MEIOC: variants seen among roughly 807,000 people sequenced by gnomAD.
MEIOC encodes the protein meiosis specific with coiled-coil domain, also known as meiosis-specific coiled-coil domain-containing protein MEIOC.
MEIOC carries 9 observed loss-of-function variants against 85.3 expected under a neutral mutation model. The observed-to-expected ratio is 0.11, with a 90% CI of 0.06 to 0.18. MEIOC has a LOEUF of 0.18. Among genes scored for constraint, MEIOC ranks in the 10% least tolerant of loss-of-function variants. The probability of loss-of-function intolerance (pLI) is 1.00; values close to 1 mark genes in which losing one functional copy is unlikely to be tolerated. For synonymous variants in MEIOC, 365 were observed against 393.7 expected (o/e 0.93, Z 0.86); for missense variants, 898 against 1,129.4 (o/e 0.80, Z 2.94).
downstream of MEIOC, chr17:44,677,046 A>AC (rs1972085495): frequency 2.8e-6 from 2 of 712,222 alleles, no homozygotes; most frequent in African/African-American, 3.9e-5. Flanking sequence ...CCTTCAGGGG[A>AC]CCGTGGATAT....
chr17:44,657,288 A>G (rs1971775936), intron 2 of MEIOC, 27 bp downstream of exon 2: 1 of 1,538,946 alleles, frequency 6.5e-7, no homozygotes, highest in South Asian at 1.2e-5. Context: ...TGCCTCTGTT[A>G]GACGATTTAT....
chr17:44,667,548 T>C lies in MEIOC; in HGVS notation c.1637T>C (p.Phe546Ser), dbSNP rs1220225066. 2 of 1,613,946 alleles carry C rather than the reference T, an allele frequency of 1.2e-6. No individual in the cohort carries two copies. Among genetic ancestry groups the C allele is most frequent in the Non-Finnish European group, 1.7e-6 (2 of 1,179,872 alleles). Residue 546 changes from phenylalanine (F) to serine (S), a missense_variant, in exon 5 of 8, where the codon TTT (phenylalanine) becomes TCT (serine). By Grantham distance (155) the Phe-to-Ser change is radical. Around this residue, in one of 2 missense-constraint regions of MEIOC, gnomAD observed 734 missense variants for 860.1 expected, o/e 0.85. Transcript: ENST00000409122. ...GAAAACCCTTCAGCATTTTCTAGTT[T>C]TGATTTTAGTTACAGTGGTGCAGAA... ...CQENPSAFSS[F>S]DFSYSGAERI...
chr17:44,661,043 G>A (rs898372054), intron 2 of MEIOC, among the ~76,000 whole-genome samples: 35 of 152,172 alleles, frequency 2.3e-4, no homozygotes, highest in African/African-American at 7.2e-4. Flanking sequence ...CAACACTTTG[G>A]AAGGCCCAAG....
Position 44,675,037 on chromosome 17 carries a change from T to G in MEIOC, c.*841T>G. 1 of 985,278 alleles carries G rather than the reference T, an allele frequency of 1.0e-6. No individual in the cohort carries two copies. Among genetic ancestry groups the G allele is most frequent in the South Asian group, 4.7e-5 (1 of 21,290 alleles). 61.0% of individuals were successfully genotyped at this position (985,278 alleles called of 1,614,324 possible). A position where few individuals can be genotyped will look rare whatever the true frequency, so the allele number is the denominator to read the frequency against. On this transcript the variant is annotated 3_prime_UTR_variant, in exon 8 of 8. Coordinates refer to ENST00000409122, the MANE Select transcript of MEIOC (RefSeq NM_001145080.3). Reference sequence around the variant, plus strand: ...GACTACTGTTTTAATACCCTTAGTTTGCTGCCTTTTATGAGGGTGTCACGA... The same window carrying G: ...GACTACTGTTTTAATACCCTTAGTTGGCTGCCTTTTATGAGGGTGTCACGA...
chr17:44,657,634 A>G (rs1367645246), intron 2 of MEIOC, among the ~76,000 whole-genome samples: 1 of 150,266 alleles, frequency 6.7e-6, no homozygotes, highest in Non-Finnish European at 1.5e-5. Context: ...GCTCACCTCA[A>G]CCTCTGCCTC....
At position 44,667,293 on chromosome 17, in the gene MEIOC, T is replaced by C. The variant is rs1375539034; in HGVS notation, c.1382T>C (p.Leu461Ser). 6.2e-7 allele frequency: 1 copy of C among 1,613,620 alleles called. No individual in the cohort carries two copies. Among genetic ancestry groups the C allele is most frequent in the African/African-American group, 1.3e-5 (1 of 74,944 alleles). Residue 461 changes from leucine to serine, a missense_variant, in exon 5 of 8, where the codon TTA (leucine) becomes TCA (serine). Coordinates refer to ENST00000409122, the MANE Select transcript of MEIOC (RefSeq NM_001145080.3). Reference sequence around the variant, plus strand: ...GAGTATTTTAAATCAGTGAATTTATTATCAAACTCAGCAACATCTTCAGGA... The same window carrying C: ...GAGTATTTTAAATCAGTGAATTTATCATCAAACTCAGCAACATCTTCAGGA... Reference protein sequence around the residue: ...HSEYFKSVNLLSNSATSSGGI... With the variant: ...HSEYFKSVNLSSNSATSSGGI...
At chr17:44,662,635 A>C (rs1971856708) in intron 3 of MEIOC, among the ~76,000 whole-genome samples, 164 bp downstream of exon 3, 1 of 152,088 alleles carries the variant, frequency 6.6e-6, no homozygotes, top group Non-Finnish European at 1.5e-5. Context: ...ATTTGTGTAT[A>C]GTTTTTACGG....
At position 44,667,222 on chromosome 17, in the gene MEIOC, C is replaced by T. The variant is rs766968910; in HGVS notation, c.1311C>T (p.Asn437=). 39 of 1,613,718 alleles carry T rather than the reference C, an allele frequency of 2.4e-5. No individual in the cohort carries two copies. The highest frequency in any genetic ancestry group is 5.3e-5 in the African/African-American group (4 of 74,918). ...CTTGTCCCGCTAATGATTTTGCTAA[C>T]GTCACAGAAAAGCAACAGTTTGCTA... ...HTACPANDFA[N]VTEKQQFAKP... The change falls in exon 5 of 8, where the codon AAC becomes AAT. Residue 437 remains asparagine, a synonymous_variant. Coordinates refer to ENST00000409122, the MANE Select transcript of MEIOC (RefSeq NM_001145080.3).
intron 6 of MEIOC, chr17:44,669,847 G>A (rs771448331): frequency 1.5e-4 from 32 of 215,344 alleles, no homozygotes; most frequent in Non-Finnish European, 2.7e-4. Context: ...GTGACAGAGC[G>A]AGACTCTATC....
chr17:44,665,251 C>A, intron 3 of MEIOC, 133 bp from the exon 4 acceptor site: 1 of 861,236 alleles, frequency 1.2e-6, no homozygotes. Flanking sequence ...TTCTTGAGTT[C>A]TAGTCTCTTC....
At chr17:44,673,643 T>G in intron 7 of MEIOC, 97 bp downstream of exon 7, 1 of 1,002,204 alleles carries the variant, frequency 1.0e-6, no homozygotes, top group Non-Finnish European at 1.4e-6. Flanking sequence ...ATTTCTAAAA[T>G]TAACACTTAC....
chr17:44,665,992 G>A (rs531244545), intron 4 of MEIOC, among the ~76,000 whole-genome samples: 36 of 151,962 alleles, frequency 2.4e-4, no homozygotes, highest in African/African-American at 8.4e-4. Context: ...CAAAGTTTAA[G>A]CAAAACACAT....
rs547768132 is a variant in MEIOC at position 44,667,908 on chromosome 17, C to G, written c.1997C>G (p.Ser666Cys). ...RVNRTQVSCF[S>C]NNYMMGDLRH... ...AATCGCACACAAGTGTCATGCTTTT[C>G]TAATAATTATATGATGGGAGATTTA... The change falls in exon 5 of 8, where the codon TCT (serine) becomes TGT (cysteine). Residue 666 changes from serine to cysteine, a missense_variant. Around this residue, in one of 2 missense-constraint regions of MEIOC, gnomAD observed 734 missense variants for 860.1 expected, o/e 0.85. Transcript: ENST00000409122. The G allele has an allele frequency of 1.2e-5, 20 of 1,613,820 alleles. No homozygotes were observed. The South Asian group carries it at 2.1e-4, about 17-fold the overall frequency.
chr17:44,666,822 T>C lies in MEIOC; in HGVS notation c.911T>C (p.Leu304Pro). 1 of 1,612,828 alleles carries C rather than the reference T, an allele frequency of 6.2e-7. No homozygotes were observed. The highest frequency in any genetic ancestry group is 1.1e-5 in the South Asian group (1 of 90,946). ...TGTACTAAAGGTCTTGAAGCACCAC[T>C]ACAGCAAAAAAGGGCAGAGATGTTT... The part of the protein sequence containing the change: ...RICTKGLEAP[L>P]QQKRAEMFLS... Residue 304 changes from leucine to proline, a missense_variant, in exon 5 of 8, where the codon CTA becomes CCA. By Grantham distance (98) the Leu-to-Pro change is moderately conservative. Transcript: ENST00000409122.
At chr17:44,669,641 C>T in intron 6 of MEIOC, 124 bp downstream of exon 6, 1 of 934,836 alleles carries the variant, frequency 1.1e-6, no homozygotes, top group Non-Finnish European at 1.6e-6. Flanking sequence ...GGGCAGATCA[C>T]CTGAAGTCAG....
At position 44,674,601 on chromosome 17, in the gene MEIOC, C is replaced by T. The variant is rs1488931681; in HGVS notation, c.*405C>T. ...AATCTAAGTGACTGTAACCCAATTA[C>T]GGCTACAGCCTAGTAACCAAGACAA... On this transcript the variant is annotated 3_prime_UTR_variant, in exon 8 of 8. Coordinates refer to ENST00000409122, the MANE Select transcript of MEIOC (RefSeq NM_001145080.3). 1.0e-5 allele frequency: 10 copies of T among 992,398 alleles called. No homozygotes were observed. The South Asian group carries it at 2.7e-4, about 27-fold the overall frequency. The allele number at this position is 992,398 out of a possible 1,614,324, so 61.5% of individuals were successfully genotyped here.
chr17:44,658,531 G>A (rs1037753131), intron 2 of MEIOC, among the ~76,000 whole-genome samples: 13 of 151,260 alleles, frequency 8.6e-5, no homozygotes, highest in African/African-American at 2.9e-4. Context: ...GCCATGGCTC[G>A]TGCCTGTAAT....
At chr17:44,669,282 A>T in intron 5 of MEIOC, 101 bp from the exon 6 acceptor site, 1 of 876,108 alleles carries the variant, frequency 1.1e-6, no homozygotes, top group South Asian at 1.9e-5. Context: ...ATTTTCATTT[A>T]AAGTGGTAAT....
At chr17:44,670,949 C>T (rs766193943) in intron 6 of MEIOC, 1 of 152,020 alleles carries the variant, frequency 6.6e-6, no homozygotes. Context: ...TCAGAATTTT[C>T]TAAGCAACTT....
Sources: allele counts gnomAD v4.1 joint callset (sites outside exome capture counted in the v4.1 genomes callset), GRCh38; gene constraint gnomAD v4.1.1; regional missense constraint gnomAD v4.1.1; transcripts MANE v1.5; gene names NCBI Gene and HGNC (gene_info 2026-07-23, HGNC 2026-07-21).